The following ATF7IP2 variants were observed in gnomAD, a reference collection of about 807,000 sequenced individuals.
ATF7IP2 encodes activating transcription factor 7-interacting protein 2.
ATF7IP2 carries 42 observed loss-of-function variants against 64.2 expected under a neutral mutation model. That is an observed-to-expected ratio of 0.65 (90% CI 0.51 to 0.85). ATF7IP2 has a LOEUF of 0.85. ATF7IP2 is among the 40% of genes least tolerant of loss of function. ATF7IP2 has a pLI of 0.00. For missense variants in ATF7IP2, 933 were observed against 784.2 expected (o/e 1.19, Z -2.27); for synonymous variants, 308 against 272.8 (o/e 1.13, Z -1.27).
At chr16:10,465,734 G>A (rs1373345045) in intron 9 of ATF7IP2, among the ~76,000 whole-genome samples, 3 of 148,994 alleles carry the variant, frequency 2.0e-5, no homozygotes, top group Non-Finnish European at 4.5e-5. Flanking sequence ...ACGAGACTCC[G>A]GCCCAAAAAC....
At chr16:10,397,092 C>T (rs553239674) in intron 1 of ATF7IP2, among the ~76,000 whole-genome samples, 65 of 152,298 alleles carry the variant, frequency 4.3e-4, no homozygotes, top group African/African-American at 1.5e-3. Flanking sequence ...ACTATTCTTT[C>T]CAAATTGTAT....
At chr16:10,392,983 T>C (rs1356265513) in intron 1 of ATF7IP2, among the ~76,000 whole-genome samples, 1 of 151,828 alleles carries the variant, frequency 6.6e-6, no homozygotes, top group Non-Finnish European at 1.5e-5. Context: ...TGAATCCATG[T>C]CTCCAAAAGA....
chr16:10,464,403 C>T (rs2049484545), intron 9 of ATF7IP2, among the ~76,000 whole-genome samples: 1 of 152,126 alleles, frequency 6.6e-6, no homozygotes, highest in Admixed American at 6.5e-5. Context: ...ATTAGTGCCA[C>T]TGTTGTCCGT....
chr16:10,480,913 A>G lies in ATF7IP2; in HGVS notation c.1584A>G (p.Lys528=), dbSNP rs1422809076. Residue 528 remains lysine (K), a synonymous_variant, in exon 13 of 14, where the codon AAA becomes AAG. Transcript: ENST00000562102. The part of the protein sequence containing the change: ...SPVSPLESHS[K]AASNSKETTP... ...TATCCCCCCTGGAGTCACATTCGAAAGCTGCTTCAAACTCAAAGGAAACAA... is the reference window on the plus strand; with the variant it reads ...TATCCCCCCTGGAGTCACATTCGAAGGCTGCTTCAAACTCAAAGGAAACAA... The G allele has an allele frequency of 1.9e-6, 3 of 1,613,332 alleles. No homozygotes were observed. The highest frequency in any genetic ancestry group is 2.5e-6 in the Non-Finnish European group (3 of 1,179,312).
Position 10,474,006 on chromosome 16 carries a change from G to T in ATF7IP2, c.1549+17G>T, listed in dbSNP as rs1462568346. ...GCAATACAGGTAAAAGGATTTTTTA[G>T]ATCTTTCTTTTGTAAAAAGGAGGGA... On this transcript the variant is annotated intron_variant, in intron 12 of 13. Transcript: ENST00000562102. 1.3e-6 allele frequency: 2 copies of T among 1,527,726 alleles called. No individual in the cohort carries two copies. The highest frequency in any genetic ancestry group is 1.8e-6 in the Non-Finnish European group (2 of 1,117,866). The allele number at this position is 1,527,726 out of a possible 1,614,324, so 94.6% of individuals were successfully genotyped here.
intron 8 of ATF7IP2, among the ~76,000 whole-genome samples, chr16:10,453,687 A>T (rs1396768153): frequency 2.6e-5 from 4 of 152,154 alleles, no homozygotes; most frequent in Non-Finnish European, 5.9e-5. Flanking sequence ...GCACAATCTC[A>T]GCTCATCGCA....
chr16:10,480,875 A>C lies in ATF7IP2; in HGVS notation c.1550-4A>C. On this transcript the variant is annotated splice_region_variant and splice_polypyrimidine_tract_variant and intron_variant, in intron 12 of 13. Transcript: ENST00000562102. ...TTACTTCTTAAACCTTGTGTTGTTC[A>C]CAGAAAGTCCAGTATCCCCCCTGGA... 6.2e-7 allele frequency: 1 copy of C among 1,600,966 alleles called. No individual in the cohort carries two copies. Among genetic ancestry groups the C allele is most frequent in the Non-Finnish European group, 8.6e-7 (1 of 1,168,144 alleles).
chr16:10,422,655 G>C (rs2048008706), intron 3 of ATF7IP2, among the ~76,000 whole-genome samples: 1 of 151,222 alleles, frequency 6.6e-6, no homozygotes, highest in African/African-American at 2.4e-5. Context: ...TGAAATGTCT[G>C]TTCCTGTATC....
intron 9 of ATF7IP2, 47 bp downstream of exon 9, chr16:10,457,576 A>G: frequency 7.3e-7 from 1 of 1,377,480 alleles, no homozygotes; most frequent in Non-Finnish European, 9.8e-7. Context: ...ATCTATAATA[A>G]TGAATTTTTT....
chr16:10,419,513 A>T (rs552729527), intron 2 of ATF7IP2, 68 bp from the exon 3 acceptor site: 1 of 153,106 alleles, frequency 6.5e-6, no homozygotes, highest in Non-Finnish European at 1.5e-5. Context: ...ACTCATGGCA[A>T]TGGTGATCAC....
intron 8 of ATF7IP2, among the ~76,000 whole-genome samples, chr16:10,453,813 C>T (rs1335525163): frequency 1.3e-5 from 2 of 151,992 alleles, no homozygotes; most frequent in African/African-American, 2.4e-5. Flanking sequence ...GACAGGGTTT[C>T]TCCATGTTGG....
chr16:10,408,951 G>T (rs962098890), intron 1 of ATF7IP2, among the ~76,000 whole-genome samples: 2 of 152,130 alleles, frequency 1.3e-5, no homozygotes, highest in Admixed American at 1.3e-4. Context: ...TGCTCGGTTC[G>T]CAAAGTGAAA....
rs116861849 is a variant in ATF7IP2, at chr16:10,401,654, C to G, written c.-241-12920C>G. On this transcript the variant is annotated intron_variant, in intron 1 of 13. Transcript: ENST00000562102. ...AAGAATTCCCTCCTTTTTTTTCCCT[C>G]TTTTTTTTGAATAGTTTCAAGAGGA... Among the ~76,000 whole-genome samples, 39 of 150,612 alleles carry G rather than the reference C, an allele frequency of 2.6e-4. No homozygotes were observed. In the East Asian group the frequency reaches 7.6e-3, roughly 29 times the overall value.
rs146194908 is a variant in ATF7IP2 at position 10,480,910 on chromosome 16, G to T, written c.1581G>T (p.Ser527=). ...CAGTATCCCCCCTGGAGTCACATTCGAAAGCTGCTTCAAACTCAAAGGAAA... is the reference window on the plus strand; with the variant it reads ...CAGTATCCCCCCTGGAGTCACATTCTAAAGCTGCTTCAAACTCAAAGGAAA... The part of the protein sequence containing the change: ...ESPVSPLESH[S]KAASNSKETT... The change falls in exon 13 of 14, where the codon TCG becomes TCT. Residue 527 remains serine, a synonymous_variant. Transcript: ENST00000562102. The T allele has an allele frequency of 5.6e-6, 9 of 1,612,960 alleles. No homozygotes were observed. The highest frequency in any genetic ancestry group is 5.3e-5 in the African/African-American group (4 of 74,818).
At chr16:10,469,892 TAAAAAAA>T (rs34620633) in intron 9 of ATF7IP2, among the ~76,000 whole-genome samples, 1 of 146,986 alleles carries the variant, frequency 6.8e-6, no homozygotes, top group Non-Finnish European at 1.5e-5. Context: ...ATTGAAAGTT[TAAAAAAA>T]AAAAAAAGTC....
intron 1 of ATF7IP2, among the ~76,000 whole-genome samples, chr16:10,406,828 G>T (rs1346778640): frequency 2.6e-5 from 4 of 152,106 alleles, no homozygotes; most frequent in Non-Finnish European, 5.9e-5. Flanking sequence ...GAATTCTACT[G>T]AACATTTAAA....
intron 12 of ATF7IP2, 111 bp from the exon 13 acceptor site, chr16:10,480,768 A>G (rs980731369): frequency 1.3e-4 from 105 of 781,614 alleles, no homozygotes; most frequent in Middle Eastern, 7.1e-4. Flanking sequence ...TCACAGTTTT[A>G]TAATTTTAAT....
chr16:10,474,216 C>A (rs999123452), intron 12 of ATF7IP2, among the ~76,000 whole-genome samples: 3 of 152,180 alleles, frequency 2.0e-5, no homozygotes, highest in East Asian at 1.9e-4. Flanking sequence ...CAATCCCTGG[C>A]AGCCACCAAT....
At chr16:10,477,707 T>A (rs946008584) in intron 12 of ATF7IP2, among the ~76,000 whole-genome samples, 2 of 151,852 alleles carry the variant, frequency 1.3e-5, no homozygotes, top group African/African-American at 4.8e-5. Context: ...GGAAGTCAAA[T>A]TGTCCCTGTT....
Sources: gnomAD v4.1 joint callset for allele counts (sites outside exome capture counted in the v4.1 genomes callset) on GRCh38, gnomAD v4.1.1 for gene constraint, MANE v1.5 for transcripts, NCBI Gene and HGNC (gene_info 2026-07-23, HGNC 2026-07-21) for gene names.